The following NUBP1 variants were observed in gnomAD, a reference collection of about 807,000 sequenced individuals.
The protein encoded by NUBP1 is cytosolic Fe-S cluster assembly factor NUBP1.
NUBP1 carries 46 observed loss-of-function variants against 41.8 expected under a neutral mutation model. The ratio of observed to expected loss-of-function variants is 1.10; its 90% confidence interval spans 0.87 to 1.41. The LOEUF (loss-of-function observed/expected upper bound fraction) is 1.41, where lower values mean the gene tolerates loss of function less well. NUBP1 is among the 40% of genes most tolerant of loss of function. NUBP1 has a pLI of 0.00. For synonymous variants in NUBP1, 189 were observed against 154.6 expected, an observed-to-expected ratio of 1.22 and a Z score of -1.65; for missense variants, 494 against 414.0, an observed-to-expected ratio of 1.19 and a Z score of -1.68.
rs921987209 is a variant in NUBP1 at position 10,757,705 on chromosome 16, A to G, written c.452-168A>G. Among the ~76,000 whole-genome samples, 4 of 152,096 alleles carry G rather than the reference A, an allele frequency of 2.6e-5. No individual in the cohort carries two copies. Among genetic ancestry groups the G allele is most frequent in the African/African-American group, 9.7e-5 (4 of 41,404 alleles). ...GAGCTGGGCACAGTGGCACGCACTTATAGTCCTAGTTACTTGGGAGGCTGA... is the reference window on the plus strand; with the variant it reads ...GAGCTGGGCACAGTGGCACGCACTTGTAGTCCTAGTTACTTGGGAGGCTGA... On this transcript the variant is annotated intron_variant, in intron 6 of 10. Coordinates refer to ENST00000283027, the MANE Select transcript of NUBP1 (RefSeq NM_002484.4). The surrounding 1 kb of genome is among the most constrained non-coding windows in gnomAD (Gnocchi z 4.1).
At chr16:10,761,929 A>AG in intron 9 of NUBP1, 70 bp downstream of exon 9, 1 of 1,228,468 alleles carries the variant, frequency 8.1e-7, no homozygotes, top group Non-Finnish European at 1.2e-6. Flanking sequence ...CGGGCACAAC[A>AG]GGGGGCGGCT....
chr16:10,744,113 G>A, intron 2 of NUBP1, 48 bp downstream of exon 2: 1 of 1,135,378 alleles, frequency 8.8e-7, no homozygotes, highest in Non-Finnish European at 1.2e-6. Context: ...CGCAGGCCCG[G>A]AAAAGGCGGG....
chr16:10,764,989 T>G (rs1418468988), intron 9 of NUBP1: 1 of 164,926 alleles, frequency 6.1e-6, no homozygotes, highest in East Asian at 1.9e-4. Context: ...TGAGCCCACT[T>G]ACCCATCAGA....
chr16:10,767,725 C>G lies in NUBP1; in HGVS notation c.821-224C>G. On this transcript the variant is annotated intron_variant, in intron 9 of 10. Coordinates refer to ENST00000283027, the MANE Select transcript of NUBP1 (RefSeq NM_002484.4). This position sits in a 1 kb window ranked among gnomAD's most constrained non-coding sequence, Gnocchi z 4.6. ...TGTAGGGCCCTGGAACCTGCATTTT[C>G]TGTACACCACCTGATTATTTAGCCA... 1 of 570,948 alleles carries G rather than the reference C, an allele frequency of 1.8e-6. No homozygotes were observed. Among genetic ancestry groups the G allele is most frequent in the Non-Finnish European group, 3.1e-6 (1 of 320,354 alleles). The allele number at this position is 570,948 out of a possible 1,614,324, so 35.4% of individuals were successfully genotyped here.
chr16:10,747,400 A>C lies in NUBP1; in HGVS notation c.258+124A>C, dbSNP rs1900112352. The C allele has an allele frequency of 1.5e-5, 19 of 1,297,006 alleles. 1 individual carries two copies. The South Asian group carries it at 2.7e-4, about 18-fold the overall frequency. 80.3% of individuals were successfully genotyped at this position (1,297,006 alleles called of 1,614,324 possible). A position where few individuals can be genotyped will look rare whatever the true frequency, so the allele number is the denominator to read the frequency against. On this transcript the variant is annotated intron_variant, in intron 3 of 10. Transcript: ENST00000283027. The stretch of plus-strand genomic sequence containing the variant: ...TGTAATCCCAGCACTTTGGGAGGCC[A>C]AGGCGGGCAGATCACTTGAGGCCAG...
Position 10,747,615 on chromosome 16 carries a change from G to T in NUBP1, c.258+339G>T, listed in dbSNP as rs529879533. On this transcript the variant is annotated intron_variant, in intron 3 of 10. Coordinates refer to ENST00000283027, the MANE Select transcript of NUBP1 (RefSeq NM_002484.4). ...GTACCAGTGTACTCCAGCCTGGGTGGCAGAATGAGACTGTCCAAGAAGAAA... is the reference window on the plus strand; with the variant it reads ...GTACCAGTGTACTCCAGCCTGGGTGTCAGAATGAGACTGTCCAAGAAGAAA... Among the ~76,000 whole-genome samples, 7 of 152,282 alleles carry T rather than the reference G, an allele frequency of 4.6e-5. No individual in the cohort carries two copies. The South Asian group carries it at 1.4e-3, about 32-fold the overall frequency.
chr16:10,765,863 A>G lies in NUBP1; in HGVS notation c.821-2086A>G, dbSNP rs1044841256. Among the ~76,000 whole-genome samples, 1 of 152,232 alleles carries G rather than the reference A, an allele frequency of 6.6e-6. No individual in the cohort carries two copies. Among genetic ancestry groups the G allele is most frequent in the African/African-American group, 2.4e-5 (1 of 41,456 alleles). On this transcript the variant is annotated intron_variant, in intron 9 of 10. Transcript: ENST00000283027. The surrounding 1 kb of genome is among the most constrained non-coding windows in gnomAD (Gnocchi z 4.0). ...CTAGTGGGCATGGTCCTGTGTGTCAAATGGCACATTGCAGAAGCTCACCTT... is the reference window on the plus strand; with the variant it reads ...CTAGTGGGCATGGTCCTGTGTGTCAGATGGCACATTGCAGAAGCTCACCTT...
At position 10,767,329 on chromosome 16, in the gene NUBP1, A is replaced by G; in HGVS notation, c.821-620A>G. 3 of 399,700 alleles carry G rather than the reference A, an allele frequency of 7.5e-6. No homozygotes were observed. The highest frequency in any genetic ancestry group is 1.3e-5 in the Non-Finnish European group (3 of 226,908). 24.8% of individuals were successfully genotyped at this position (399,700 alleles called of 1,614,324 possible). A position where few individuals can be genotyped will look rare whatever the true frequency, so the allele number is the denominator to read the frequency against. ...GGTGTGCATAGGAGGGGACTGGAAC[A>G]ATGGCCACATGGCGGGGAAAGACTA... On this transcript the variant is annotated intron_variant, in intron 9 of 10. Transcript: ENST00000283027. This position sits in a 1 kb window ranked among gnomAD's most constrained non-coding sequence, Gnocchi z 4.6.
rs1900798999 is a variant in NUBP1 at position 10,759,592 on chromosome 16, G to A, written c.606+1565G>A. On this transcript the variant is annotated intron_variant, in intron 7 of 10. Coordinates refer to ENST00000283027, the MANE Select transcript of NUBP1 (RefSeq NM_002484.4). The surrounding 1 kb of genome is among the most constrained non-coding windows in gnomAD (Gnocchi z 4.7). ...AGTTCGAGACCAGACTGGCCAATAT[G>A]GCAAAACCCTGTCTCTACCAAAAAA... is the stretch of plus-strand genomic sequence containing the variant. Among the ~76,000 whole-genome samples the A allele has an allele frequency of 6.6e-6, 1 of 152,118 alleles. No homozygotes were observed. Among genetic ancestry groups the A allele is most frequent in the African/African-American group, 2.4e-5 (1 of 41,426 alleles).
rs916355388 is a variant in NUBP1 at position 10,764,585 on chromosome 16, G to A, written c.820+2726G>A. 1.3e-5 allele frequency among the ~76,000 whole-genome samples: 2 copies of A among 150,986 alleles called. 1 individual carries two copies. The highest frequency in any genetic ancestry group is 4.9e-5 in the African/African-American group (2 of 40,822). ...CATCTCAGTCTGCTGGAGTATGTCA[G>A]TCTATTGGAGCATCTCAGTCTGCTG... On this transcript the variant is annotated intron_variant, in intron 9 of 10. Coordinates refer to ENST00000283027, the MANE Select transcript of NUBP1 (RefSeq NM_002484.4).
At chr16:10,756,596 T>G in intron 5 of NUBP1, 94 bp from the exon 6 acceptor site, 2 of 865,304 alleles carry the variant, frequency 2.3e-6, no homozygotes, top group East Asian at 6.1e-5. Context: ...AAAATGTTTT[T>G]TTCAGTCAGA....
chr16:10,755,744 G>A lies in NUBP1; in HGVS notation c.351G>A (p.Trp117Ter). Reference protein sequence around the residue: ...GEQVHQSGSGWSPVYVEDNLG... With the variant: ...GEQVHQSGSG ...AGGTTCACCAGAGTGGCTCAGGCTG[G>A]TCTCCAGTGGTGAGTTTTCACCTCT... Residue 117 changes from tryptophan to a stop codon, truncating the protein, a stop_gained, in exon 5 of 11, where the codon TGG becomes TGA. Transcript: ENST00000283027. LOFTEE classifies it high-confidence loss of function. 1 of 1,614,148 alleles carries A rather than the reference G, an allele frequency of 6.2e-7. No homozygotes were observed.
intron 4 of NUBP1, among the ~76,000 whole-genome samples, 192 bp from the exon 5 acceptor site, chr16:10,755,529 G>C (rs1309473547): frequency 1.3e-5 from 2 of 152,216 alleles, no homozygotes; most frequent in Non-Finnish European, 2.9e-5. Context: ...AGGGCACAAA[G>C]GGAGTTGAGT....
Position 10,767,648 on chromosome 16 carries a change from C to A in NUBP1, c.821-301C>A, listed in dbSNP as rs1211737844. On this transcript the variant is annotated intron_variant, in intron 9 of 10. Coordinates refer to ENST00000283027, the MANE Select transcript of NUBP1 (RefSeq NM_002484.4). This position sits in a 1 kb window ranked among gnomAD's most constrained non-coding sequence, Gnocchi z 4.6. The stretch of plus-strand genomic sequence containing the variant: ...ATGATCCTTTCACTCAAAAGCTAAT[C>A]TCTTAAAATGCAGACTCCTGGGCCC... 4.7e-6 allele frequency: 2 copies of A among 426,964 alleles called. No homozygotes were observed. The highest frequency in any genetic ancestry group is 2.0e-5 in the African/African-American group (1 of 49,762). The allele number at this position is 426,964 out of a possible 1,614,324, so 26.4% of individuals were successfully genotyped here.
chr16:10,757,896 G>A lies in NUBP1; in HGVS notation c.475G>A (p.Asp159Asn), dbSNP rs757975304. 2 of 1,613,976 alleles carry A rather than the reference G, an allele frequency of 1.2e-6. No homozygotes were observed. The highest frequency in any genetic ancestry group is 8.5e-7 in the Non-Finnish European group (1 of 1,179,980). ...AGGCATGATCAAGCAGTTCCTCCGA[G>A]ATGTGGACTGGGGAGAGGTCGACTA... ...KNGMIKQFLR[D>N]VDWGEVDYLI... The change falls in exon 7 of 11, where the codon GAT becomes AAT. Residue 159 changes from aspartate to asparagine, a missense_variant. Transcript: ENST00000283027. The surrounding 1 kb of genome is among the most constrained non-coding windows in gnomAD (Gnocchi z 4.1).
chr16:10,751,807 A>C (rs1900332137), intron 3 of NUBP1, among the ~76,000 whole-genome samples: 1 of 152,162 alleles, frequency 6.6e-6, no homozygotes, highest in Non-Finnish European at 1.5e-5. Context: ...TCAAAGGAAA[A>C]CAGGGCTTGG....
At chr16:10,761,963 G>A in intron 9 of NUBP1, 104 bp downstream of exon 9, 1 of 872,170 alleles carries the variant, frequency 1.1e-6, no homozygotes, top group Non-Finnish European at 1.8e-6. Context: ...ATGGAAGGAG[G>A]AGGGTCAATG....
intron 3 of NUBP1, among the ~76,000 whole-genome samples, chr16:10,747,527 C>T (rs1288189542): frequency 1.3e-5 from 2 of 152,154 alleles, no homozygotes; most frequent in African/African-American, 2.4e-5. Flanking sequence ...CCCAGCTTTT[C>T]GCGAGGATGA....
At position 10,767,474 on chromosome 16, in the gene NUBP1, G is replaced by A. The variant is rs796569010; in HGVS notation, c.821-475G>A. Reference sequence around the variant, plus strand: ...GTATTTTAGGTATATGAGAGTGTGTGTATGTGTGTGCGCACACATGCAAGT... The same window carrying A: ...GTATTTTAGGTATATGAGAGTGTGTATATGTGTGTGCGCACACATGCAAGT... On this transcript the variant is annotated intron_variant, in intron 9 of 10. Transcript: ENST00000283027. The surrounding 1 kb of genome is among the most constrained non-coding windows in gnomAD (Gnocchi z 4.6). 1 of 403,226 alleles carries A rather than the reference G, an allele frequency of 2.5e-6. No individual in the cohort carries two copies. The highest frequency in any genetic ancestry group is 2.1e-5 in the African/African-American group (1 of 47,740). 25.0% of individuals were successfully genotyped at this position (403,226 alleles called of 1,614,324 possible).
Sources: gnomAD v4.1 joint callset for allele counts (sites outside exome capture counted in the v4.1 genomes callset) on GRCh38, gnomAD v4.1.1 for gene constraint, Gnocchi (gnomAD v3.1) non-coding constraint, MANE v1.5 for transcripts, NCBI Gene and HGNC (gene_info 2026-07-23, HGNC 2026-07-21) for gene names.